Variants in UQCC1 observed in about 807,000 individuals in gnomAD.
UQCC1 encodes the protein ubiquinol-cytochrome c reductase complex assembly factor 1, also known as bFGF-repressed Zic-binding protein.
A neutral mutation model predicts 48.0 loss-of-function variants in UQCC1; 38 were observed. The observed-to-expected ratio is 0.79, with a 90% CI of 0.61 to 1.04. UQCC1 has a LOEUF of 1.04. Among genes scored for constraint, UQCC1 ranks in the 50% least tolerant of loss-of-function variants. The pLI is 0.00. For missense variants in UQCC1, 368 were observed against 381.8 expected, an observed-to-expected ratio of 0.96 and a Z score of 0.30; for synonymous variants, 111 against 129.2, an observed-to-expected ratio of 0.86 and a Z score of 0.95.
At chr20:35,395,542 A>C (rs2062066381) in intron 1 of UQCC1, among the ~76,000 whole-genome samples, 1 of 151,506 alleles carries the variant, frequency 6.6e-6, no homozygotes, top group African/African-American at 2.4e-5. Flanking sequence ...CACCCCAATC[A>C]CTCTGCAAGG....
intron 8 of UQCC1, among the ~76,000 whole-genome samples, chr20:35,307,520 C>T (rs930241901): frequency 1.3e-5 from 2 of 152,130 alleles, no homozygotes; most frequent in African/African-American, 2.4e-5. Context: ...TAGCTTGGAC[C>T]TCTAGAGGAG....
chr20:35,348,052 T>G (rs575303491), intron 6 of UQCC1, among the ~76,000 whole-genome samples: 2 of 152,342 alleles, frequency 1.3e-5, no homozygotes, highest in African/African-American at 4.8e-5. Context: ...TTTCCCCCAC[T>G]AGAAGGTAAG....
intron 6 of UQCC1, among the ~76,000 whole-genome samples, chr20:35,358,525 A>G (rs796337664): frequency 5.9e-5 from 9 of 152,300 alleles, no homozygotes; most frequent in African/African-American, 2.2e-4. Flanking sequence ...CTCTGAATAT[A>G]GACTGAATCT....
At chr20:35,401,951 A>G (rs1252368713) in intron 1 of UQCC1, among the ~76,000 whole-genome samples, 4 of 151,806 alleles carry the variant, frequency 2.6e-5, no homozygotes, top group African/African-American at 9.7e-5. Context: ...ATGAGCCACC[A>G]TGCCCAGCCG....
At chr20:35,334,450 C>G (rs2061291971) in intron 7 of UQCC1, among the ~76,000 whole-genome samples, 1 of 152,160 alleles carries the variant, frequency 6.6e-6, no homozygotes. Flanking sequence ...CAACTCGGTG[C>G]CTTTATCCAC....
chr20:35,411,596 C>G lies in UQCC1; in HGVS notation c.24+344G>C, dbSNP rs1170196229. On this transcript the variant is annotated intron_variant, in intron 1 of 9. Coordinates refer to ENST00000374385, the MANE Select transcript of UQCC1 (RefSeq NM_018244.5). Reference sequence around the variant, plus strand: ...GCTTAAAGTCACTATGCATCAGTGACAGTCAGGGACTAGAACCCAGGCCTC... The same window carrying G: ...GCTTAAAGTCACTATGCATCAGTGAGAGTCAGGGACTAGAACCCAGGCCTC... Among the ~76,000 whole-genome samples, 3 of 152,276 alleles carry G rather than the reference C, an allele frequency of 2.0e-5. No homozygotes were observed. In the East Asian group the frequency reaches 5.8e-4, roughly 29 times the overall value.
At chr20:35,379,499 C>T (rs2061841245) in intron 4 of UQCC1, among the ~76,000 whole-genome samples, 1 of 152,128 alleles carries the variant, frequency 6.6e-6, no homozygotes, top group African/African-American at 2.4e-5. Flanking sequence ...TGTGATGTAA[C>T]AAATTTTAAA....
chr20:35,320,041 A>C (rs532216229), intron 7 of UQCC1, among the ~76,000 whole-genome samples: 1 of 152,270 alleles, frequency 6.6e-6, no homozygotes, highest in Admixed American at 6.5e-5. Context: ...CCCTGCAGTC[A>C]GTAAAGTATG....
At chr20:35,399,171 G>A (rs530748122) in intron 1 of UQCC1, among the ~76,000 whole-genome samples, 3 of 152,234 alleles carry the variant, frequency 2.0e-5, no homozygotes, top group African/African-American at 7.2e-5. Flanking sequence ...TTTGATAACA[G>A]AAAAACACAA....
At chr20:35,311,783 G>A (rs1481071689) in intron 8 of UQCC1, among the ~76,000 whole-genome samples, 1 of 152,172 alleles carries the variant, frequency 6.6e-6, no homozygotes, top group Non-Finnish European at 1.5e-5. Flanking sequence ...ATCTTTGGGG[G>A]ACAGGGCCCA....
intron 7 of UQCC1, among the ~76,000 whole-genome samples, chr20:35,322,380 G>A (rs1229647515): frequency 6.6e-6 from 1 of 152,068 alleles, no homozygotes; most frequent in Non-Finnish European, 1.5e-5. Context: ...TGCCCTCGAG[G>A]AGCTCACAGC....
At chr20:35,325,175 T>C (rs2061178586) in intron 7 of UQCC1, among the ~76,000 whole-genome samples, 1 of 152,194 alleles carries the variant, frequency 6.6e-6, no homozygotes, top group African/African-American at 2.4e-5. Flanking sequence ...ATAGTCTACC[T>C]GGGGCTGATG....
chr20:35,409,315 A>C (rs2062304066), intron 1 of UQCC1: 1 of 152,424 alleles, frequency 6.6e-6, no homozygotes, highest in Non-Finnish European at 1.5e-5. Context: ...CTAAAAATAC[A>C]AAAAATTAGC....
At chr20:35,371,717 A>AAAAAC (rs1412912070) in intron 5 of UQCC1, among the ~76,000 whole-genome samples, 9 of 151,224 alleles carry the variant, frequency 6.0e-5, no homozygotes, top group Non-Finnish European at 1.2e-4. Flanking sequence ...AAAAAAAAAA[A>AAAAAC]AAAACAGGCT....
chr20:35,335,046 A>G (rs1207479587), intron 7 of UQCC1, among the ~76,000 whole-genome samples: 1 of 152,234 alleles, frequency 6.6e-6, no homozygotes, highest in Non-Finnish European at 1.5e-5. Flanking sequence ...GTAATGATTA[A>G]GGTCACATAT....
chr20:35,355,015 C>A (rs2061530553), intron 6 of UQCC1, among the ~76,000 whole-genome samples: 1 of 152,074 alleles, frequency 6.6e-6, no homozygotes, highest in Non-Finnish European at 1.5e-5. Flanking sequence ...CACACTCACA[C>A]CCACACCCAC....
At chr20:35,307,048 A>T (rs2060937456) in intron 8 of UQCC1, 1 of 500,510 alleles carries the variant, frequency 2.0e-6, no homozygotes, top group Non-Finnish European at 3.7e-6. Flanking sequence ...GCTGGGACTC[A>T]GGCAGTACTC....
intron 4 of UQCC1, among the ~76,000 whole-genome samples, chr20:35,374,495 C>T (rs1216358625): frequency 1.3e-5 from 2 of 152,168 alleles, no homozygotes; most frequent in Non-Finnish European, 2.9e-5. Context: ...AAGGCTTTTC[C>T]AATATTTAAA....
chr20:35,410,704 C>CAACAAAAAAAAAAAAAAAAAAAAAAAAA (rs2062339721), intron 1 of UQCC1, among the ~76,000 whole-genome samples: 1 of 2,710 alleles, frequency 3.7e-4, no homozygotes, highest in South Asian at 0.029. Context: ...GACTCTGCCT[C>CAACAAAAAAAAAAAAAAAAAAAAAAAAA]AAAAAAAAAA....
Sources: gnomAD v4.1 joint callset for allele counts (sites outside exome capture counted in the v4.1 genomes callset) on GRCh38, gnomAD v4.1.1 for gene constraint, MANE v1.5 for transcripts, NCBI Gene and HGNC (gene_info 2026-07-23, HGNC 2026-07-21) for gene names.